Variants in INO80 observed in about 807,000 individuals in gnomAD.
INO80 encodes the protein chromatin-remodeling ATPase INO80.
A neutral mutation model predicts 203.4 loss-of-function variants in INO80; 20 were observed. The ratio of observed to expected loss-of-function variants is 0.10; its 90% CI spans 0.07 to 0.14. INO80 has a LOEUF of 0.14. Among genes scored for constraint, INO80 ranks in the 10% least tolerant of loss-of-function variants. The pLI, the probability that INO80 is intolerant of heterozygous loss-of-function variation, is 1.00. For missense variants in INO80, 1,419 were observed against 1,914.4 expected, an observed-to-expected ratio of 0.74 and a Z score of 4.83; for synonymous variants, 726 against 685.2, an observed-to-expected ratio of 1.06 and a Z score of -0.93.
intron 19 of INO80, among the ~76,000 whole-genome samples, chr15:41,051,219 C>A (rs2044865241): frequency 6.6e-6 from 1 of 151,530 alleles, no homozygotes; most frequent in African/African-American, 2.4e-5. Flanking sequence ...TACCACTTAG[C>A]CACAATGATC....
At chr15:40,997,437 TA>T (rs1227385512) in intron 29 of INO80, 91 bp downstream of exon 29, 1 of 848,356 alleles carries the variant, frequency 1.2e-6, no homozygotes, top group Non-Finnish European at 2.0e-6. Context: ...AAGCAAAGGG[TA>T]AAACAAACAA....
At chr15:41,009,309 G>A (rs2044098772) in intron 27 of INO80, among the ~76,000 whole-genome samples, 1 of 149,462 alleles carries the variant, frequency 6.7e-6, no homozygotes, top group South Asian at 2.1e-4. Flanking sequence ...GTATACATGT[G>A]CCATGCTGGT....
chr15:40,984,003 C>T (rs1320136943), intron 33 of INO80, 82 bp from the exon 34 acceptor site: 4 of 1,510,736 alleles, frequency 2.6e-6, no homozygotes, highest in African/African-American at 1.4e-5. Context: ...ACATGCTTCA[C>T]AGTTGAGGCT....
At chr15:41,031,511 GAA>G (rs2044462348) in intron 24 of INO80, among the ~76,000 whole-genome samples, 1 of 97,388 alleles carries the variant, frequency 1.0e-5, no homozygotes, top group Non-Finnish European at 2.1e-5. Flanking sequence ...GAGAAGGAAG[GAA>G]GGGGAAGGGA....
chr15:41,034,357 G>T (rs1051617625), intron 24 of INO80, among the ~76,000 whole-genome samples: 1 of 152,174 alleles, frequency 6.6e-6, no homozygotes, highest in Non-Finnish European at 1.5e-5. Context: ...AGAAGAAGGG[G>T]AGGACTGGGT....
chr15:41,053,874 G>T, intron 19 of INO80, 55 bp downstream of exon 19: 3 of 1,312,880 alleles, frequency 2.3e-6, no homozygotes, highest in Non-Finnish European at 1.1e-6. Flanking sequence ...TCTCCCCCTG[G>T]AATCTTAAGT....
chr15:41,062,210 C>T (rs547069404), intron 14 of INO80, among the ~76,000 whole-genome samples: 8 of 151,944 alleles, frequency 5.3e-5, no homozygotes, highest in African/African-American at 1.7e-4. Context: ...CCAAGTATAC[C>T]GAAGTCTTTA....
At chr15:40,996,408 T>C (rs1489386610) in intron 29 of INO80, among the ~76,000 whole-genome samples, 4 of 152,132 alleles carry the variant, frequency 2.6e-5, no homozygotes, top group Non-Finnish European at 4.4e-5. Context: ...CTGCAGCCTC[T>C]GCCTCCCGGG....
At chr15:41,058,035 C>T (rs1160191778) in intron 16 of INO80, among the ~76,000 whole-genome samples, 1 of 152,040 alleles carries the variant, frequency 6.6e-6, no homozygotes, top group Non-Finnish European at 1.5e-5. Context: ...TAAAAGGATT[C>T]TTGGAGATCT....
At chr15:41,058,871 T>G (rs1403216586) in intron 15 of INO80, 90 bp from the exon 16 acceptor site, 3 of 1,232,002 alleles carry the variant, frequency 2.4e-6, no homozygotes, top group Non-Finnish European at 3.4e-6. Context: ...AGGGCCAAAA[T>G]GTTTAAGACA....
intron 14 of INO80, among the ~76,000 whole-genome samples, chr15:41,064,202 C>T (rs981446880): frequency 6.6e-6 from 1 of 152,106 alleles, no homozygotes; most frequent in Non-Finnish European, 1.5e-5. Context: ...TATAATTTTC[C>T]AATACACAAA....
Position 40,984,234 on chromosome 15 carries a change from A to G in INO80, c.4040T>C (p.Ile1347Thr). 6.2e-7 allele frequency: 1 copy of G among 1,613,898 alleles called. No individual in the cohort carries two copies. Among genetic ancestry groups the G allele is most frequent in the Non-Finnish European group, 8.5e-7 (1 of 1,179,894 alleles). The change falls in exon 33 of 36, where the codon ATT becomes ACT. Residue 1347 changes from isoleucine (I) to threonine (T), a missense_variant. Around this residue, in one of 9 missense-constraint regions of INO80, gnomAD observed 214 missense variants for 248.9 expected, o/e 0.86. Coordinates refer to ENST00000648947, the MANE Select transcript of INO80 (RefSeq NM_017553.3). Reference protein sequence around the residue: ...NLSADGDDSFISVDSAMPSPF... With the variant: ...NLSADGDDSFTSVDSAMPSPF... ...GCTTGGCATGGCTGAGTCCACGCTAATGAAGGAGTCATCTCCGTCAGCAGA... is the reference window on the plus strand; with the variant it reads ...GCTTGGCATGGCTGAGTCCACGCTAGTGAAGGAGTCATCTCCGTCAGCAGA...
At chr15:41,004,316 G>C (rs910734006) in intron 28 of INO80, among the ~76,000 whole-genome samples, 11 of 152,112 alleles carry the variant, frequency 7.2e-5, no homozygotes, top group African/African-American at 2.7e-4. Context: ...GTTGAATTGT[G>C]GATGTGTTTT....
intron 7 of INO80, among the ~76,000 whole-genome samples, chr15:41,082,341 A>T (rs997720584): frequency 6.6e-6 from 1 of 151,584 alleles, no homozygotes; most frequent in African/African-American, 2.4e-5. Context: ...AGGCAGGAGG[A>T]TCACTTGAGT....
intron 14 of INO80, among the ~76,000 whole-genome samples, chr15:41,061,388 C>T (rs569156993): frequency 8.7e-4 from 128 of 146,382 alleles, no homozygotes; most frequent in African/African-American, 2.9e-3. Context: ...AGGTGGATCA[C>T]GAGCTCAGGA....
intron 2 of INO80, 49 bp from the exon 3 acceptor site, chr15:41,095,977 T>C: frequency 6.5e-7 from 1 of 1,549,970 alleles, no homozygotes; most frequent in Non-Finnish European, 8.8e-7. Context: ...CAATAAAATA[T>C]AATTTAAAGT....
intron 28 of INO80, among the ~76,000 whole-genome samples, chr15:40,999,755 G>C (rs111627593): frequency 3.9e-5 from 6 of 152,232 alleles, no homozygotes; most frequent in African/African-American, 1.4e-4. Context: ...AATGGAAGGA[G>C]GCAGGGTATC....
chr15:41,022,213 T>C (rs1237387740), intron 25 of INO80, among the ~76,000 whole-genome samples: 1 of 152,100 alleles, frequency 6.6e-6, no homozygotes, highest in Non-Finnish European at 1.5e-5. Flanking sequence ...GACTAAGACA[T>C]GGGGAGAAAC....
intron 29 of INO80, among the ~76,000 whole-genome samples, chr15:40,992,849 G>A (rs1237157223): frequency 1.3e-5 from 2 of 152,180 alleles, no homozygotes; most frequent in Non-Finnish European, 2.9e-5. Context: ...TTGGAGTGCA[G>A]CGGCACAATC....
Sources: gnomAD v4.1 joint callset for allele counts (sites outside exome capture counted in the v4.1 genomes callset) on GRCh38, gnomAD v4.1.1 for gene constraint, gnomAD v4.1.1 regional missense constraint, MANE v1.5 for transcripts, NCBI Gene and HGNC (gene_info 2026-07-23, HGNC 2026-07-21) for gene names.